The following TFCP2L1 variants were observed in gnomAD, a reference collection of about 807,000 sequenced individuals.
TFCP2L1 encodes transcription factor CP2-like protein 1.
In TFCP2L1, 12 loss-of-function variants were observed where a neutral mutation model predicts 72.2. That is an observed-to-expected ratio of 0.17 (90% CI 0.11 to 0.27). The LOEUF (loss-of-function observed/expected upper bound fraction) is 0.27. Ranked by LOEUF, TFCP2L1 falls within the 10% of genes least tolerant of loss-of-function variation. The pLI, the probability that TFCP2L1 is intolerant of heterozygous loss-of-function variation, is 1.00. For missense variants in TFCP2L1, 488 were observed against 624.6 expected, an observed-to-expected ratio of 0.78 and a Z score of 2.33; for synonymous variants, 260 against 251.0, an observed-to-expected ratio of 1.04 and a Z score of -0.34.
At chr2:121,277,972 T>C (rs1305242083) in intron 2 of TFCP2L1, among the ~76,000 whole-genome samples, 2 of 151,744 alleles carry the variant, frequency 1.3e-5, no homozygotes, top group Non-Finnish European at 2.9e-5. Context: ...TTTAAAAATA[T>C]AAATATACCA....
At chr2:121,248,717 G>T (rs1441900042) in intron 4 of TFCP2L1, among the ~76,000 whole-genome samples, 1 of 152,140 alleles carries the variant, frequency 6.6e-6, no homozygotes, top group East Asian at 1.9e-4. Flanking sequence ...ATCCTTTAAG[G>T]CACCATCCTT....
At chr2:121,240,714 A>G (rs1470125404) in intron 7 of TFCP2L1, 17 of 985,218 alleles carry the variant, frequency 1.7e-5, no homozygotes, top group Non-Finnish European at 2.0e-5. Context: ...TGGTATCAGG[A>G]GGTGGGGAAC....
At position 121,235,103 on chromosome 2, in the gene TFCP2L1, AG is replaced by A. The variant is rs550046702; in HGVS notation, c.1094+117del. ...CCTCCTACACTTGACCCCACACTGC[AG>A]GAGTCCTGTCCCCCCAGCCAGACCA... On this transcript the variant is annotated intron_variant, in intron 11 of 14. Coordinates refer to ENST00000263707, the MANE Select transcript of TFCP2L1 (RefSeq NM_014553.3). 48 of 1,023,174 alleles carry A rather than the reference AG, an allele frequency of 4.7e-5. No individual in the cohort carries two copies. In the South Asian group the frequency reaches 5.8e-4, roughly 12 times the overall value. The allele number at this position is 1,023,174 out of a possible 1,614,324, so 63.4% of individuals were successfully genotyped here.
At chr2:121,228,434 T>C (rs1255809441) in intron 13 of TFCP2L1, among the ~76,000 whole-genome samples, 3 of 148,300 alleles carry the variant, frequency 2.0e-5, no homozygotes, top group Non-Finnish European at 4.4e-5. Flanking sequence ...GGCTTCATTT[T>C]CCTCCTCCGT....
intron 2 of TFCP2L1, among the ~76,000 whole-genome samples, chr2:121,263,647 T>C (rs1047089502): frequency 6.6e-6 from 1 of 152,226 alleles, no homozygotes; most frequent in Non-Finnish European, 1.5e-5. Flanking sequence ...GGTGTCCTCT[T>C]GTACAAGAGG....
intron 6 of TFCP2L1, among the ~76,000 whole-genome samples, chr2:121,244,943 C>T (rs1223818673): frequency 6.6e-6 from 1 of 152,166 alleles, no homozygotes; most frequent in Non-Finnish European, 1.5e-5. Flanking sequence ...AGGGCCGCCA[C>T]GCCCACTGCT....
In TFCP2L1 at chr2:121,259,606, A is replaced by G. The variant is rs370266248; in HGVS notation, c.215-9959T>C. On this transcript the variant is annotated intron_variant, in intron 2 of 14. Transcript: ENST00000263707. ...TTAGAAGTTAAAAAATAATTTTAAA[A>G]TTAAGATTACAAAAAGGCTTAGGCA... is the stretch of plus-strand genomic sequence containing the variant. 1.1e-3 allele frequency among the ~76,000 whole-genome samples: 161 copies of G among 152,372 alleles called. 6 individuals are homozygous for G. In the South Asian group the frequency reaches 0.031, roughly 29 times the overall value.
intron 2 of TFCP2L1, among the ~76,000 whole-genome samples, chr2:121,269,776 G>A (rs987334860): frequency 6.6e-6 from 1 of 151,862 alleles, no homozygotes; most frequent in African/African-American, 2.4e-5. Flanking sequence ...AGGCGTGGTA[G>A]TGGACACCTG....
At chr2:121,233,020 T>C (rs1048997319) in intron 12 of TFCP2L1, among the ~76,000 whole-genome samples, 1 of 152,218 alleles carries the variant, frequency 6.6e-6, no homozygotes. Flanking sequence ...AGGCCCAATA[T>C]TTTAAAAGCA....
intron 10 of TFCP2L1, among the ~76,000 whole-genome samples, chr2:121,237,298 GC>G (rs1434287413): frequency 6.6e-6 from 1 of 152,182 alleles, no homozygotes; most frequent in Non-Finnish European, 1.5e-5. Context: ...AGCATAAGGG[GC>G]CCTGCATCAC....
At chr2:121,250,496 C>T (rs989788599) in intron 2 of TFCP2L1, among the ~76,000 whole-genome samples, 10 of 151,680 alleles carry the variant, frequency 6.6e-5, no homozygotes, top group African/African-American at 2.4e-4. Context: ...CCAATTTTCC[C>T]AAAATTAAAT....
At position 121,237,735 on chromosome 2, in the gene TFCP2L1, G is replaced by A. The variant is rs1456578083; in HGVS notation, c.910-19C>T. On this transcript the variant is annotated intron_variant, in intron 9 of 14. Coordinates refer to ENST00000263707, the MANE Select transcript of TFCP2L1 (RefSeq NM_014553.3). ...GCAGGTGCTGTGAGCAGAGGGGAGA[G>A]GCCTTGAGATGGTGGCTCAGGGCCC... 4 of 1,614,062 alleles carry A rather than the reference G, an allele frequency of 2.5e-6. No homozygotes were observed. The Admixed American group carries it at 6.7e-5, about 27-fold the overall frequency.
chr2:121,266,092 C>T lies in TFCP2L1; in HGVS notation c.214+15028G>A, dbSNP rs143143451. Among the ~76,000 whole-genome samples, 651 of 151,968 alleles carry T rather than the reference C, an allele frequency of 4.3e-3. 8 individuals carry two copies. Among genetic ancestry groups the T allele is most frequent in the African/African-American group, 0.013 (554 of 41,434 alleles). On this transcript the variant is annotated intron_variant, in intron 2 of 14. Transcript: ENST00000263707. ...TGTTGCCCAGGCTGGTCCTGAACTC[C>T]TGGGCTCAAGTGATCTGCCCACCTT...
chr2:121,265,767 A>G (rs993545744), intron 2 of TFCP2L1, among the ~76,000 whole-genome samples: 3 of 152,106 alleles, frequency 2.0e-5, no homozygotes, highest in African/African-American at 7.2e-5. Context: ...TACAGGCGTG[A>G]GCCACCGTGC....
Position 121,269,907 on chromosome 2 carries a change from T to TCA in TFCP2L1, c.214+11212_214+11213insTG, listed in dbSNP as rs750107740. Among the ~76,000 whole-genome samples the TCA allele has an allele frequency of 5.0e-3, 390 of 77,392 alleles. 11 individuals carry two copies. The highest frequency in any genetic ancestry group is 9.6e-3 in the East Asian group (15 of 1,570). The allele number at this position is 77,392 out of a possible 152,430, so 50.8% of individuals were successfully genotyped here. ...CTGGGTGACAGAGCAAGACTCCATC[T>TCA]AAAAAAAAAAAATATATATATATAT... is the stretch of plus-strand genomic sequence containing the variant. On this transcript the variant is annotated intron_variant, in intron 2 of 14. Coordinates refer to ENST00000263707, the MANE Select transcript of TFCP2L1 (RefSeq NM_014553.3).
chr2:121,253,940 A>G (rs1019906926), intron 2 of TFCP2L1, among the ~76,000 whole-genome samples: 2 of 152,146 alleles, frequency 1.3e-5, no homozygotes, highest in African/African-American at 4.8e-5. Context: ...ACACAGCAGC[A>G]CAACAGCACC....
Position 121,249,527 on chromosome 2 carries a change from A to C in TFCP2L1, c.291+44T>G, listed in dbSNP as rs368142890. 8 of 1,599,554 alleles carry C rather than the reference A, an allele frequency of 5.0e-6. No individual in the cohort carries two copies. In the African/African-American group the frequency reaches 1.1e-4, roughly 21 times the overall value. Reference sequence around the variant, plus strand: ...AAGCCCAGGTGCCCAGACCCTAATCAAGCCCCTCTCCCCGAGGCAATGAGA... The same window carrying C: ...AAGCCCAGGTGCCCAGACCCTAATCCAGCCCCTCTCCCCGAGGCAATGAGA... On this transcript the variant is annotated intron_variant, in intron 3 of 14. Coordinates refer to ENST00000263707, the MANE Select transcript of TFCP2L1 (RefSeq NM_014553.3).
intron 2 of TFCP2L1, among the ~76,000 whole-genome samples, chr2:121,252,055 C>T (rs537238445): frequency 1.1e-3 from 167 of 152,190 alleles, no homozygotes; most frequent in African/African-American, 3.9e-3. Flanking sequence ...CTATTCTATT[C>T]TATTCTATTT....
chr2:121,257,453 C>T (rs1180611517), intron 2 of TFCP2L1, among the ~76,000 whole-genome samples: 1 of 152,352 alleles, frequency 6.6e-6, no homozygotes, highest in South Asian at 2.1e-4. Flanking sequence ...TTACCCCAAT[C>T]TTAACAGCTG....
Sources: allele counts gnomAD v4.1 joint callset (sites outside exome capture counted in the v4.1 genomes callset), GRCh38; gene constraint gnomAD v4.1.1; transcripts MANE v1.5; gene names NCBI Gene and HGNC (gene_info 2026-07-23, HGNC 2026-07-21).